Variants in BRCA2 observed in about 807,000 individuals in gnomAD.
BRCA2 encodes the protein breast cancer type 2 susceptibility protein.
Under a neutral mutation model 276.7 loss-of-function variants are expected in BRCA2, and 203 were observed. That is an observed-to-expected ratio of 0.73 (90% CI 0.65 to 0.82). BRCA2 has a LOEUF of 0.82. BRCA2 is among the 40% of genes least tolerant of loss of function. BRCA2 has a pLI of 0.00. For synonymous variants in BRCA2, 1,289 were observed against 1,338.4 expected (o/e 0.96, Z 0.81); for missense variants, 3,920 against 3,915.0 (o/e 1.00, Z -0.03).
intron 16 of BRCA2, among the ~76,000 whole-genome samples, chr13:32,362,240 G>A (rs536427243): frequency 5.3e-5 from 8 of 152,096 alleles, no homozygotes; most frequent in African/African-American, 1.7e-4. Flanking sequence ...ATGTTGCCTA[G>A]GCTGGTCTCA....
rs1555284296 is a variant in BRCA2 at position 32,339,961 on chromosome 13, G to A, written c.5606G>A (p.Ser1869Asn). The change falls in exon 11 of 27, where the codon AGT (serine) becomes AAT (asparagine). Residue 1869 changes from serine to asparagine, a missense_variant. This residue lies in a region of BRCA2 where 3,263 missense variants were observed against 3,156.9 expected (regional missense o/e 1.03). Coordinates refer to ENST00000380152, the MANE Select transcript of BRCA2 (RefSeq NM_000059.4). Reference protein sequence around the residue: ...IKKVKDIFTDSFSKVIKENNE... With the variant: ...IKKVKDIFTDNFSKVIKENNE... ...AAAGTGAAAGACATATTTACAGACAGTTTCAGTAAAGTAATTAAGGAAAAC... is the reference window on the plus strand; with the variant it reads ...AAAGTGAAAGACATATTTACAGACAATTTCAGTAAAGTAATTAAGGAAAAC... 1 of 1,610,202 alleles carries A rather than the reference G, an allele frequency of 6.2e-7. No individual in the cohort carries two copies. Among genetic ancestry groups the A allele is most frequent in the Non-Finnish European group, 8.5e-7 (1 of 1,178,470 alleles).
chr13:32,366,495 T>G (rs1366030468), intron 18 of BRCA2, among the ~76,000 whole-genome samples: 1 of 152,130 alleles, frequency 6.6e-6, no homozygotes, highest in Non-Finnish European at 1.5e-5. Flanking sequence ...ATTGGAAATA[T>G]CATTATGAAC....
intron 24 of BRCA2, among the ~76,000 whole-genome samples, chr13:32,388,499 C>T (rs2072976575): frequency 6.6e-6 from 1 of 151,996 alleles, no homozygotes; most frequent in South Asian, 2.1e-4. Flanking sequence ...ACTTCCAGTA[C>T]AGTATGCAAT....
At position 32,356,802 on chromosome 13, in the gene BRCA2, A is replaced by G. The variant is rs1318156711; in HGVS notation, c.7617+193A>G. On this transcript the variant is annotated intron_variant, in intron 15 of 26. Coordinates refer to ENST00000380152, the MANE Select transcript of BRCA2 (RefSeq NM_000059.4). The stretch of plus-strand genomic sequence containing the variant: ...CTTGCTAGGCCTGCCTCATCCTGCT[A>G]AAGTGATCTGTGCTTCCAAATTACT... Among the ~76,000 whole-genome samples, 9 of 152,232 alleles carry G rather than the reference A, an allele frequency of 5.9e-5. No homozygotes were observed. The East Asian group carries it at 1.7e-3, about 29-fold the overall frequency.
rs557728905 is a variant in BRCA2 at position 32,336,173 on chromosome 13, G to T, written c.1910-92G>T. 2.9e-5 allele frequency: 41 copies of T among 1,393,526 alleles called. No individual in the cohort carries two copies. In the Admixed American group the frequency reaches 8.2e-4, roughly 28 times the overall value. The allele number at this position is 1,393,526 out of a possible 1,614,324, so 86.3% of individuals were successfully genotyped here. A position where few individuals can be genotyped will look rare whatever the true frequency, so the allele number is the denominator to read the frequency against. On this transcript the variant is annotated intron_variant, in intron 10 of 26. Transcript: ENST00000380152. ...TGAGATTACAGGCATGAGCCACTGT[G>T]CCCAAACACTACCTTTTTAACTTAG...
In BRCA2 at chr13:32,362,693, G is replaced by A. The variant is rs80359027; in HGVS notation, c.7976G>A (p.Arg2659Lys). The change falls in exon 17 of 27, where the codon AGA becomes AAA. Residue 2659 changes from arginine to lysine, a missense_variant and splice_region_variant. This residue lies in a region of BRCA2 where 3,263 missense variants were observed against 3,156.9 expected (regional missense o/e 1.03). Transcript: ENST00000380152. ...AGGGTGCTTCTTCAACTAAAATACA[G>A]GCAAGTTTAAAGCATTACATTACGT... The part of the protein sequence containing the change: ...PERVLLQLKY[R>K]YDTEIDRSRR... 1 of 1,614,058 alleles carries A rather than the reference G, an allele frequency of 6.2e-7. No individual in the cohort carries two copies.
chr13:32,335,120 G>A lies in BRCA2; in HGVS notation c.1910-1145G>A, dbSNP rs531824414. ...GCACTTTGGGAGGCCAAGGCAGGCA[G>A]ATCACTTAAGGTCAAGAGTTCAAGA... is the stretch of plus-strand genomic sequence containing the variant. On this transcript the variant is annotated intron_variant, in intron 10 of 26. Transcript: ENST00000380152. Among the ~76,000 whole-genome samples, 91 of 152,292 alleles carry A rather than the reference G, an allele frequency of 6.0e-4. 1 individual carries two copies. Among genetic ancestry groups the A allele is most frequent in the Non-Finnish European group, 8.8e-5 (6 of 68,030 alleles).
In BRCA2 at chr13:32,340,274, T is replaced by C. The variant is rs761612343; in HGVS notation, c.5919T>C (p.Asn1973=). 4 of 1,614,002 alleles carry C rather than the reference T, an allele frequency of 2.5e-6. No homozygotes were observed. The highest frequency in any genetic ancestry group is 1.7e-5 in the Admixed American group (1 of 60,018). Residue 1973 remains asparagine, a synonymous_variant, in exon 11 of 27, where the codon AAT becomes AAC. Coordinates refer to ENST00000380152, the MANE Select transcript of BRCA2 (RefSeq NM_000059.4). The part of the protein sequence containing the change: ...GKLHKSVSSA[N]TCGIFSTASG... ...TTCATAAGTCAGTCTCATCTGCAAA[T>C]ACTTGTGGGATTTTTAGCACAGCAA...
At chr13:32,370,655 T>G (rs1202096413) in intron 19 of BRCA2, 98 bp downstream of exon 19, 21 of 1,310,866 alleles carry the variant, frequency 1.6e-5, no homozygotes, top group Admixed American at 3.9e-5. Flanking sequence ...TTGCCCAGGC[T>G]GGAGTGCAAT....
In BRCA2 at chr13:32,325,004, A is replaced by G. The variant is rs2072332915; in HGVS notation, c.317-72A>G. 3 of 1,125,560 alleles carry G rather than the reference A, an allele frequency of 2.7e-6. No homozygotes were observed. The East Asian group carries it at 7.6e-5, about 28-fold the overall frequency. The allele number at this position is 1,125,560 out of a possible 1,614,324, so 69.7% of individuals were successfully genotyped here. ...AGTATAGAGGAGACTTTTTGTTTTT[A>G]AACACTTCCAAAGAATGCAAATTTA... is the stretch of plus-strand genomic sequence containing the variant. On this transcript the variant is annotated intron_variant, in intron 3 of 26. Coordinates refer to ENST00000380152, the MANE Select transcript of BRCA2 (RefSeq NM_000059.4).
chr13:32,319,402 C>T (rs2138706313), intron 3 of BRCA2, 77 bp downstream of exon 3: 1 of 1,409,272 alleles, frequency 7.1e-7, no homozygotes, highest in Non-Finnish European at 9.8e-7. Flanking sequence ...AATCTTAGCT[C>T]ATTCATTAAT....
intron 8 of BRCA2, among the ~76,000 whole-genome samples, chr13:32,330,390 G>A (rs1220236477): frequency 2.0e-5 from 3 of 152,062 alleles, no homozygotes; most frequent in Non-Finnish European, 4.4e-5. Flanking sequence ...TCCTTAAGTC[G>A]AGAACTTTCA....
At chr13:32,333,823 C>T (rs966927295) in intron 10 of BRCA2, among the ~76,000 whole-genome samples, 1 of 152,100 alleles carries the variant, frequency 6.6e-6, no homozygotes, top group Admixed American at 6.6e-5. Flanking sequence ...TCCCTGTGTC[C>T]GTGTGTTCTC....
In BRCA2 at chr13:32,336,379, C is replaced by G. The variant is rs80358484; in HGVS notation, c.2024C>G (p.Thr675Arg). 6.2e-7 allele frequency: 1 copy of G among 1,610,940 alleles called. No individual in the cohort carries two copies. The highest frequency in any genetic ancestry group is 8.5e-7 in the Non-Finnish European group (1 of 1,178,828). ...CTGAGGAAATGTTCTAGAAATGAAA[C>G]ATGTTCTAATAATACAGTAATCTCT... Reference protein sequence around the residue: ...TILRKCSRNETCSNNTVISQD... With the variant: ...TILRKCSRNERCSNNTVISQD... The change falls in exon 11 of 27, where the codon ACA (threonine) becomes AGA (arginine). Residue 675 changes from threonine (T) to arginine (R), a missense_variant. Physicochemically the swap from Thr to Arg is moderately conservative, Grantham distance 71. This residue lies in a region of BRCA2 where 3,263 missense variants were observed against 3,156.9 expected (regional missense o/e 1.03). Coordinates refer to ENST00000380152, the MANE Select transcript of BRCA2 (RefSeq NM_000059.4).
intron 25 of BRCA2, among the ~76,000 whole-genome samples, chr13:32,395,680 G>A (rs2073030936): frequency 6.6e-6 from 1 of 152,068 alleles, no homozygotes; most frequent in South Asian, 2.1e-4. Context: ...TTCATGAGTT[G>A]GTAACTAGTG....
intron 21 of BRCA2, 151 bp downstream of exon 21, chr13:32,376,942 C>G: frequency 8.7e-7 from 1 of 1,151,178 alleles, no homozygotes; most frequent in Middle Eastern, 2.3e-4. Context: ...CAGTGATGTG[C>G]CAGACGAGTG....
At chr13:32,369,110 G>A (rs1257236214) in intron 18 of BRCA2, among the ~76,000 whole-genome samples, 1 of 151,888 alleles carries the variant, frequency 6.6e-6, no homozygotes, top group African/African-American at 2.4e-5. Flanking sequence ...GCCCGGCCCA[G>A]TTTTGTTTTC....
At chr13:32,362,893 C>A (rs906719744) in intron 17 of BRCA2, among the ~76,000 whole-genome samples, 200 bp downstream of exon 17, 1 of 152,058 alleles carries the variant, frequency 6.6e-6, no homozygotes, top group Non-Finnish European at 1.5e-5. Context: ...TCCCTCTTTC[C>A]CCACCCCCTC....
intron 13 of BRCA2, among the ~76,000 whole-genome samples, chr13:32,351,795 TTTTATTTA>T (rs374431648): frequency 1.3e-5 from 2 of 151,858 alleles, no homozygotes; most frequent in African/African-American, 4.8e-5. Flanking sequence ...TTTTATTTTA[TTTTATTTA>T]TTTATTTATT....
Sources: gnomAD v4.1 joint callset for allele counts (sites outside exome capture counted in the v4.1 genomes callset) on GRCh38, gnomAD v4.1.1 for gene constraint, gnomAD v4.1.1 regional missense constraint, MANE v1.5 for transcripts, NCBI Gene and HGNC (gene_info 2026-07-23, HGNC 2026-07-21) for gene names.